The following DSCAM variants were observed in gnomAD, a reference collection of about 807,000 sequenced individuals.
DSCAM encodes the protein cell adhesion molecule DSCAM.
In DSCAM, 47 loss-of-function variants were observed where a neutral mutation model predicts 217.7. That is an observed-to-expected ratio of 0.22 (90% CI 0.17 to 0.28). The LOEUF is 0.28. Ranked by LOEUF, DSCAM falls within the 10% of genes least tolerant of loss-of-function variation. The pLI is 1.00. For missense variants in DSCAM, 2,080 were observed against 2,618.3 expected, an observed-to-expected ratio of 0.79 and a Z score of 4.49; for synonymous variants, 1,056 against 1,015.3, an observed-to-expected ratio of 1.04 and a Z score of -0.76.
chr21:40,198,461 G>A (rs1184553831), intron 11 of DSCAM, among the ~76,000 whole-genome samples: 1 of 152,158 alleles, frequency 6.6e-6, no homozygotes, highest in Admixed American at 6.5e-5. Context: ...CCCAGGCCAG[G>A]GTGGGGACGT....
intron 20 of DSCAM, among the ~76,000 whole-genome samples, chr21:40,097,006 C>T (rs1470944807): frequency 1.3e-5 from 2 of 152,040 alleles, no homozygotes; most frequent in South Asian, 2.1e-4. Flanking sequence ...GAATTAATCA[C>T]CAGTAGACCC....
chr21:40,403,300 CT>C (rs200979884), intron 3 of DSCAM, among the ~76,000 whole-genome samples: 1,519 of 141,256 alleles, frequency 0.011, 4 homozygotes, highest in African/African-American at 0.016. Flanking sequence ...ATTAGTAAAT[CT>C]TTTTTTTTTT....
intron 30 of DSCAM, among the ~76,000 whole-genome samples, chr21:40,048,278 T>C (rs117732927): frequency 6.6e-6 from 1 of 152,212 alleles, no homozygotes; most frequent in African/African-American, 2.4e-5. Context: ...TCAATGTCTT[T>C]TCTTTTCCAT....
intron 1 of DSCAM, among the ~76,000 whole-genome samples, chr21:40,791,386 G>A (rs1388840582): frequency 1.3e-5 from 2 of 152,176 alleles, no homozygotes; most frequent in Non-Finnish European, 2.9e-5. Flanking sequence ...CAGGCGCAGT[G>A]GTTCACGCCT....
At chr21:40,565,103 T>A (rs2076754688) in intron 3 of DSCAM, among the ~76,000 whole-genome samples, 1 of 152,156 alleles carries the variant, frequency 6.6e-6, no homozygotes, top group Non-Finnish European at 1.5e-5. Flanking sequence ...GTGCAGCCTT[T>A]GTATGCCTGC....
At chr21:40,712,543 A>C (rs1273571024) in intron 1 of DSCAM, among the ~76,000 whole-genome samples, 1 of 151,760 alleles carries the variant, frequency 6.6e-6, no homozygotes, top group Non-Finnish European at 1.5e-5. Context: ...TTTTAGTTAA[A>C]CTTCACATAT....
At position 40,253,919 on chromosome 21, in the gene DSCAM, C is replaced by A. The variant is rs369458733; in HGVS notation, c.2356+22178G>T. ...TAAGAGGTTCTAGCAGATTATCAAACCCAAGGAGGGTGTGCTATCTTGAAT... is the reference window on the plus strand; with the variant it reads ...TAAGAGGTTCTAGCAGATTATCAAAACCAAGGAGGGTGTGCTATCTTGAAT... On this transcript the variant is annotated intron_variant, in intron 11 of 32. Transcript: ENST00000400454. Among the ~76,000 whole-genome samples the A allele has an allele frequency of 2.0e-4, 30 of 152,296 alleles. No individual in the cohort carries two copies. In the South Asian group the frequency reaches 3.7e-3, roughly 19 times the overall value.
At chr21:40,441,104 A>AG (rs35630641) in intron 3 of DSCAM, among the ~76,000 whole-genome samples, 106,845 of 151,870 alleles carry the variant, frequency 0.7, 37,941 homozygotes, top group Middle Eastern at 0.81. Flanking sequence ...GCAAACACAT[A>AG]GAATATGAAG....
chr21:40,748,887 T>C (rs1420316112), intron 1 of DSCAM, among the ~76,000 whole-genome samples: 1 of 152,054 alleles, frequency 6.6e-6, no homozygotes, highest in African/African-American at 2.4e-5. Context: ...AACAGATACA[T>C]TGATGAATGT....
chr21:40,766,325 ATGTG>A (rs1173383870), intron 1 of DSCAM, among the ~76,000 whole-genome samples: 2 of 151,580 alleles, frequency 1.3e-5, no homozygotes, highest in African/African-American at 4.9e-5. Flanking sequence ...TGTATTTGGT[ATGTG>A]TGTATATATA....
At chr21:40,098,182 G>A (rs185593795) in intron 20 of DSCAM, among the ~76,000 whole-genome samples, 135 of 152,128 alleles carry the variant, frequency 8.9e-4, no homozygotes, top group African/African-American at 3.0e-3. Flanking sequence ...ATTTCATAAC[G>A]ATAATGGGGT....
At chr21:40,143,898 C>A (rs11702402) in intron 17 of DSCAM, among the ~76,000 whole-genome samples, 65,587 of 152,048 alleles carry the variant, frequency 0.43, 17,166 homozygotes, top group South Asian at 0.58. Flanking sequence ...CATATCTTAA[C>A]TTCCTGCCTA....
At chr21:40,830,986 T>C (rs1185072407) in intron 1 of DSCAM, among the ~76,000 whole-genome samples, 1 of 152,174 alleles carries the variant, frequency 6.6e-6, no homozygotes, top group African/African-American at 2.4e-5. Flanking sequence ...ATGAAGGCAA[T>C]TGTCACGACA....
chr21:40,769,808 A>G (rs2091428975), intron 1 of DSCAM, among the ~76,000 whole-genome samples: 1 of 152,174 alleles, frequency 6.6e-6, no homozygotes. Context: ...ACCAACCCCC[A>G]GGTGGTTGTC....
chr21:40,080,538 G>C (rs2089440812), intron 24 of DSCAM, among the ~76,000 whole-genome samples, 198 bp from the exon 25 acceptor site: 1 of 152,154 alleles, frequency 6.6e-6, no homozygotes, highest in Admixed American at 6.5e-5. Flanking sequence ...TGATTAGTGA[G>C]TCATTTGGGC....
intron 14 of DSCAM, among the ~76,000 whole-genome samples, chr21:40,184,489 A>G (rs75696110): frequency 6.6e-6 from 1 of 152,116 alleles, no homozygotes; most frequent in African/African-American, 2.4e-5. Context: ...CCAGGGCTAC[A>G]TAAACATCTT....
At chr21:40,074,227 C>T (rs956936782) in intron 27 of DSCAM, among the ~76,000 whole-genome samples, 1 of 152,200 alleles carries the variant, frequency 6.6e-6, no homozygotes, top group Non-Finnish European at 1.5e-5. Context: ...ACATAGGATG[C>T]TGCATAGCAG....
intron 1 of DSCAM, among the ~76,000 whole-genome samples, chr21:40,809,252 G>A (rs1384463138): frequency 2.0e-5 from 3 of 152,096 alleles, no homozygotes; most frequent in Non-Finnish European, 2.9e-5. Flanking sequence ...TAGCTCATAA[G>A]ACTGGACAAG....
At chr21:40,471,972 T>C (rs2075892933) in intron 3 of DSCAM, among the ~76,000 whole-genome samples, 1 of 152,062 alleles carries the variant, frequency 6.6e-6, no homozygotes, top group Non-Finnish European at 1.5e-5. Flanking sequence ...GGCCCCGGTG[T>C]GTGATGTTCC....
Sources: gnomAD v4.1 joint callset for allele counts (sites outside exome capture counted in the v4.1 genomes callset) on GRCh38, gnomAD v4.1.1 for gene constraint, MANE v1.5 for transcripts, NCBI Gene and HGNC (gene_info 2026-07-23, HGNC 2026-07-21) for gene names.